The following PHF14 variants were observed in gnomAD, a reference collection of about 807,000 sequenced individuals.
The protein encoded by PHF14 is PHD finger protein 14.
Under a neutral mutation model 117.9 loss-of-function variants are expected in PHF14, and 55 were observed. That is an observed-to-expected ratio of 0.47 (90% CI 0.38 to 0.58). PHF14 has a LOEUF of 0.58. Ranked by LOEUF, PHF14 falls within the 20% of genes least tolerant of loss-of-function variation. The probability of loss-of-function intolerance (pLI) is 0.00; values close to 1 mark genes in which losing one functional copy is unlikely to be tolerated. For missense variants in PHF14, 978 were observed against 1,122.2 expected, an observed-to-expected ratio of 0.87 and a Z score of 1.84; for synonymous variants, 409 against 368.6, an observed-to-expected ratio of 1.11 and a Z score of -1.26.
intron 17 of PHF14, among the ~76,000 whole-genome samples, chr7:11,145,547 CTT>C (rs1246781304): frequency 6.6e-6 from 1 of 151,950 alleles, no homozygotes; most frequent in East Asian, 1.9e-4. Flanking sequence ...TGCTGATTCA[CTT>C]TTTATAATTA....
intron 4 of PHF14, among the ~76,000 whole-genome samples, chr7:10,992,401 G>A (rs1451379405): frequency 1.3e-5 from 2 of 150,112 alleles, no homozygotes; most frequent in Admixed American, 1.3e-4. Flanking sequence ...AGTGGCTCAC[G>A]CCTGTAATCC....
intron 4 of PHF14, among the ~76,000 whole-genome samples, chr7:11,012,667 T>G (rs1783392819): frequency 6.6e-6 from 1 of 152,220 alleles, no homozygotes; most frequent in Non-Finnish European, 1.5e-5. Flanking sequence ...GGTGTGTTCA[T>G]GAGAATCTTT....
At chr7:11,070,474 G>A (rs1021662637) in intron 16 of PHF14, among the ~76,000 whole-genome samples, 1 of 152,136 alleles carries the variant, frequency 6.6e-6, no homozygotes, top group African/African-American at 2.4e-5. Flanking sequence ...AGTCATGCTG[G>A]CCTTTTCAGT....
At chr7:11,153,139 TTA>T (rs1436003371) in intron 17 of PHF14, among the ~76,000 whole-genome samples, 4 of 152,142 alleles carry the variant, frequency 2.6e-5, no homozygotes, top group Non-Finnish European at 5.9e-5. Flanking sequence ...AGGTATACAA[TTA>T]TAAAACCAAA....
intron 16 of PHF14, among the ~76,000 whole-genome samples, chr7:11,101,752 T>C (rs1360688360): frequency 6.6e-6 from 1 of 151,810 alleles, no homozygotes; most frequent in Non-Finnish European, 1.5e-5. Flanking sequence ...TATAAAAAAG[T>C]GAACTTTTTC....
At chr7:11,111,868 AAATAT>A (rs1787458330) in intron 17 of PHF14, among the ~76,000 whole-genome samples, 1 of 150,944 alleles carries the variant, frequency 6.6e-6, no homozygotes, top group Middle Eastern at 3.4e-3. Context: ...TTTTATTTTA[AAATAT>A]AATATATTGT....
In PHF14 at chr7:11,127,230, G is replaced by C. The variant is rs567181134; in HGVS notation, c.2772+15763G>C. Among the ~76,000 whole-genome samples the C allele has an allele frequency of 4.2e-5, 6 of 144,332 alleles. No individual in the cohort carries two copies. The East Asian group carries it at 8.8e-4, about 21-fold the overall frequency. 94.7% of individuals were successfully genotyped at this position (144,332 alleles called of 152,430 possible). On this transcript the variant is annotated intron_variant, in intron 17 of 17. Coordinates refer to ENST00000634607, the MANE Select transcript of PHF14 (RefSeq NM_001007157.2). ...TTGGAAGTGGGGCATTCTAGATTTT[G>C]ATTCTTGCCCCTCCTTTTTTTTTTT...
chr7:11,124,251 A>G (rs1032127426), intron 17 of PHF14, among the ~76,000 whole-genome samples: 4 of 152,144 alleles, frequency 2.6e-5, no homozygotes, highest in African/African-American at 9.6e-5. Flanking sequence ...TTTTGGTGGT[A>G]TGTCCTACTA....
At chr7:11,134,148 G>A (rs558960473) in intron 17 of PHF14, among the ~76,000 whole-genome samples, 1 of 151,976 alleles carries the variant, frequency 6.6e-6, no homozygotes, top group South Asian at 2.1e-4. Flanking sequence ...TTTGGGCAGC[G>A]TTCTAAGTTT....
At chr7:11,072,818 A>G (rs962320337) in intron 16 of PHF14, among the ~76,000 whole-genome samples, 3 of 152,224 alleles carry the variant, frequency 2.0e-5, no homozygotes, top group African/African-American at 4.8e-5. Flanking sequence ...GGAAACTTAC[A>G]ATCATGGTGG....
chr7:11,064,872 G>C (rs548545564), intron 16 of PHF14, among the ~76,000 whole-genome samples: 1 of 152,020 alleles, frequency 6.6e-6, no homozygotes, highest in African/African-American at 2.4e-5. Flanking sequence ...GCTTCATTAG[G>C]TACCTTATGG....
At chr7:10,991,300 C>T (rs952498091) in intron 4 of PHF14, among the ~76,000 whole-genome samples, 1 of 152,224 alleles carries the variant, frequency 6.6e-6, no homozygotes, top group Non-Finnish European at 1.5e-5. Flanking sequence ...GCCTCAGCCT[C>T]TTAAGTAGCT....
intron 4 of PHF14, among the ~76,000 whole-genome samples, chr7:11,008,261 ATATCCT>A (rs1209545506): frequency 6.6e-6 from 1 of 152,230 alleles, no homozygotes; most frequent in Non-Finnish European, 1.5e-5. Flanking sequence ...ATGCAAAAAG[ATATCCT>A]TAGGAGTGTT....
chr7:11,047,582 G>C (rs1404929584), intron 13 of PHF14, among the ~76,000 whole-genome samples: 1 of 150,158 alleles, frequency 6.7e-6, no homozygotes, highest in East Asian at 2.0e-4. Flanking sequence ...GATCACTTGA[G>C]GTCAGGAGTT....
At chr7:11,071,805 A>G (rs923787240) in intron 16 of PHF14, among the ~76,000 whole-genome samples, 5 of 152,266 alleles carry the variant, frequency 3.3e-5, no homozygotes, top group Non-Finnish European at 7.3e-5. Context: ...ATGCAATAAG[A>G]GAACTTCTAA....
rs1476791740 is a variant in PHF14 at position 11,130,226 on chromosome 7, A to C, written c.2772+18759A>C. Among the ~76,000 whole-genome samples, 4 of 151,812 alleles carry C rather than the reference A, an allele frequency of 2.6e-5. No individual in the cohort carries two copies. Among genetic ancestry groups the C allele is most frequent in the African/African-American group, 9.7e-5 (4 of 41,344 alleles). On this transcript the variant is annotated intron_variant, in intron 17 of 17. Transcript: ENST00000634607. The surrounding 1 kb of genome is among the most constrained non-coding windows in gnomAD (Gnocchi z 4.2). ...TCATATCTGGAATTTGATACATATC[A>C]CTCCAGGCCACATTCCTCAGATGAC...
At chr7:11,161,616 AAC>A (rs1562490986) in intron 17 of PHF14, among the ~76,000 whole-genome samples, 2 of 150,582 alleles carry the variant, frequency 1.3e-5, no homozygotes, top group African/African-American at 4.9e-5. Context: ...GATTTTAGAT[AAC>A]ATTTTTAAAT....
chr7:11,104,420 A>T (rs1296340085), intron 16 of PHF14: 2 of 956,844 alleles, frequency 2.1e-6, no homozygotes, highest in African/African-American at 3.5e-5. Flanking sequence ...TATCCACAGT[A>T]TAAAATTATT....
chr7:11,053,313 A>G (rs529296063), intron 14 of PHF14, among the ~76,000 whole-genome samples: 2 of 152,118 alleles, frequency 1.3e-5, no homozygotes, highest in East Asian at 3.9e-4. Context: ...GCAAATCTTT[A>G]TCTCTTAGAT....
Sources: gnomAD v4.1 joint callset for allele counts (sites outside exome capture counted in the v4.1 genomes callset) on GRCh38, gnomAD v4.1.1 for gene constraint, Gnocchi (gnomAD v3.1) non-coding constraint, MANE v1.5 for transcripts, NCBI Gene and HGNC (gene_info 2026-07-23, HGNC 2026-07-21) for gene names.